Variants in DMTN observed in about 807,000 individuals in gnomAD.
The protein encoded by DMTN is dematin.
Under a neutral mutation model 59.4 loss-of-function variants are expected in DMTN, and 27 were observed. The ratio of observed to expected loss-of-function variants is 0.45; its 90% CI spans 0.33 to 0.63. DMTN has a LOEUF of 0.63. Ranked by LOEUF, DMTN falls within the 20% of genes least tolerant of loss-of-function variation. DMTN has a pLI of 0.02. For missense variants in DMTN, 451 were observed against 528.9 expected (o/e 0.85, Z 1.45); for synonymous variants, 221 against 203.7 (o/e 1.08, Z -0.72).
At chr8:22,070,488 C>A in intron 8 of DMTN, 154 bp downstream of exon 8, 1 of 860,542 alleles carries the variant, frequency 1.2e-6, no homozygotes, top group Non-Finnish European at 1.7e-6. Context: ...AGGCTCCTTG[C>A]TCACTCACTC....
intron 1 of DMTN, chr8:22,057,719 G>A (rs1352944146): frequency 1.3e-5 from 2 of 152,338 alleles, no homozygotes; most frequent in East Asian, 3.9e-4. Context: ...CCCGCCGCTG[G>A]GGTGCTTGAA....
At chr8:22,069,326 T>C (rs1813330203) in intron 5 of DMTN, 93 bp from the exon 6 acceptor site, 1 of 1,144,388 alleles carries the variant, frequency 8.7e-7, no homozygotes, top group South Asian at 1.4e-5. Flanking sequence ...CCGGCCAGGA[T>C]GGGAGGACAG....
upstream of DMTN, among the ~76,000 whole-genome samples, chr8:22,051,137 A>G (rs1441224229): frequency 1.3e-5 from 2 of 152,164 alleles, no homozygotes; most frequent in South Asian, 2.1e-4. Flanking sequence ...CTAATTGCTA[A>G]TAGCCCCTTG....
At chr8:22,051,548 C>A (rs1010648463), upstream of DMTN, among the ~76,000 whole-genome samples, 1 of 152,262 alleles carries the variant, frequency 6.6e-6, no homozygotes, top group African/African-American at 2.4e-5. Context: ...ACACCCCACC[C>A]CCCTCGGCCT....
intron 8 of DMTN, among the ~76,000 whole-genome samples, chr8:22,070,848 G>C (rs1814785645): frequency 6.6e-6 from 1 of 151,986 alleles, no homozygotes; most frequent in African/African-American, 2.4e-5. Flanking sequence ...AGTTGCCATG[G>C]TCCATCATCC....
At chr8:22,080,283 G>T in intron 11 of DMTN, 39 bp downstream of exon 11, 1 of 1,614,034 alleles carries the variant, frequency 6.2e-7, no homozygotes, top group Non-Finnish European at 8.5e-7. Context: ...TACGTGGGAG[G>T]AACGTGCATG....
At position 22,065,473 on chromosome 8, in the gene DMTN, G is replaced by A. The variant is rs368945013; in HGVS notation, c.-171-1232G>A. Among the ~76,000 whole-genome samples the A allele has an allele frequency of 3.9e-5, 6 of 152,298 alleles. No homozygotes were observed. In the South Asian group the frequency reaches 8.3e-4, roughly 21 times the overall value. Reference sequence around the variant, plus strand: ...AGTACAGGAGGCCTCCCAGAGGAGCGGCTTTGGGATAGCCCTGGAAGGCTG... The same window carrying A: ...AGTACAGGAGGCCTCCCAGAGGAGCAGCTTTGGGATAGCCCTGGAAGGCTG... On this transcript the variant is annotated intron_variant, in intron 1 of 15. Transcript: ENST00000358242.
intron 12 of DMTN, 39 bp downstream of exon 12, chr8:22,080,499 GCTTACACAGGTCC>G: frequency 6.2e-7 from 1 of 1,614,196 alleles, no homozygotes; most frequent in Non-Finnish European, 8.5e-7. Flanking sequence ...TGGAGAAGGG[GCTTACACAGGTCC>G]CTGGGCAGCC....
At chr8:22,064,701 G>A (rs976758591) in intron 1 of DMTN, among the ~76,000 whole-genome samples, 1 of 152,152 alleles carries the variant, frequency 6.6e-6, no homozygotes, top group East Asian at 1.9e-4. Flanking sequence ...CTTGTGATCT[G>A]CCCGCCTTGG....
chr8:22,066,921 C>A lies in DMTN; in HGVS notation c.18+28C>A, dbSNP rs1811093272. On this transcript the variant is annotated intron_variant, in intron 2 of 15. Transcript: ENST00000358242. ...GCGCGGCGCCGCCCCGGGCCGGGGC[C>A]GCCGAGGGCGGGTGGGGGCCGCTTG... 4.8e-6 allele frequency: 6 copies of A among 1,239,630 alleles called. No individual in the cohort carries two copies. In the East Asian group the frequency reaches 1.3e-4, roughly 27 times the overall value. The allele number at this position is 1,239,630 out of a possible 1,614,324, so 76.8% of individuals were successfully genotyped here. A position where few individuals can be genotyped will look rare whatever the true frequency, so the allele number is the denominator to read the frequency against.
At chr8:22,075,327 CTTCT>C (rs1248857418) in intron 10 of DMTN, among the ~76,000 whole-genome samples, 9 of 150,420 alleles carry the variant, frequency 6.0e-5, no homozygotes, top group Admixed American at 2.0e-4. Flanking sequence ...CCTTCTTCTT[CTTCT>C]TTCTTCTTTT....
intron 9 of DMTN, among the ~76,000 whole-genome samples, chr8:22,073,105 G>A (rs139962665): frequency 1.3e-3 from 200 of 152,334 alleles, no homozygotes; most frequent in African/African-American, 4.7e-3. Context: ...AGTGACATGG[G>A]CCTAGGCTCT....
intron 1 of DMTN, among the ~76,000 whole-genome samples, chr8:22,064,482 G>A (rs140882701): frequency 0.021 from 3,124 of 151,324 alleles, 105 homozygotes; most frequent in African/African-American, 0.073. Context: ...TTTTTGAGAC[G>A]GAGTCTCGCT....
upstream of DMTN, among the ~76,000 whole-genome samples, chr8:22,052,883 C>T (rs1801495011): frequency 6.6e-6 from 1 of 152,146 alleles, no homozygotes; most frequent in South Asian, 2.1e-4. Flanking sequence ...CATTCACGGT[C>T]TCACAGCTAG....
upstream of DMTN, among the ~76,000 whole-genome samples, chr8:22,051,610 C>G (rs1585561288): frequency 2.0e-5 from 3 of 152,266 alleles, no homozygotes; most frequent in Non-Finnish European, 4.4e-5. Flanking sequence ...ACAGAGGACC[C>G]TCACCCAAGA....
chr8:22,056,023 T>C (rs1802422096), upstream of DMTN, among the ~76,000 whole-genome samples: 1 of 152,128 alleles, frequency 6.6e-6, no homozygotes, highest in South Asian at 2.1e-4. Context: ...GCAAGGCTTG[T>C]TGTCCTTCCC....
chr8:22,079,277 AATATATAT>A (rs1180466614), intron 10 of DMTN, among the ~76,000 whole-genome samples: 12 of 27,672 alleles, frequency 4.3e-4, no homozygotes, highest in African/African-American at 1.4e-3. Context: ...TAAATAAATA[AATATATAT>A]ATATATATAT....
At chr8:22,057,656 G>A (rs1311009929) in intron 1 of DMTN, among the ~76,000 whole-genome samples, 1 of 152,144 alleles carries the variant, frequency 6.6e-6, no homozygotes, top group Non-Finnish European at 1.5e-5. Context: ...TGAGTGAAGA[G>A]TGAGGCTGTG....
rs1824241951 is a variant in DMTN, at chr8:22,081,445, G to A, written c.1200G>A (p.Lys400=). ...LALWKRNELK[K]KASLF is the part of the protein sequence containing the mutation. ...TGTGGAAGCGGAATGAGCTCAAGAA[G>A]AAGGCCTCTCTCTTCTGATGGCCCC... is the stretch of plus-strand genomic sequence containing the variant. The change falls in exon 16 of 16, where the codon AAG becomes AAA. Residue 400 remains lysine (K), a synonymous_variant. Transcript: ENST00000358242. 6.2e-7 allele frequency: 1 copy of A among 1,614,122 alleles called. No homozygotes were observed.
Sources: allele counts gnomAD v4.1 joint callset (sites outside exome capture counted in the v4.1 genomes callset), GRCh38; gene constraint gnomAD v4.1.1; transcripts MANE v1.5; gene names NCBI Gene and HGNC (gene_info 2026-07-23, HGNC 2026-07-21).